The following MMUT variants were observed in gnomAD, a reference collection of about 807,000 sequenced individuals.
MMUT encodes methylmalonyl-CoA mutase, mitochondrial.
A neutral mutation model predicts 79.9 loss-of-function variants in MMUT; 79 were observed. The observed-to-expected ratio is 0.99, with a 90% CI of 0.82 to 1.19. MMUT has a LOEUF of 1.19. Among genes scored for constraint, MMUT ranks in the 50% most tolerant of loss-of-function variants. MMUT has a pLI of 0.00. For missense variants in MMUT, 860 were observed against 917.2 expected (o/e 0.94, Z 0.81); for synonymous variants, 273 against 295.7 (o/e 0.92, Z 0.79).
At position 49,440,266 on chromosome 6, in the gene MMUT, T is replaced by C. The variant is rs1465358046; in HGVS notation, c.1896A>G (p.Lys632=). 5 of 1,614,128 alleles carry C rather than the reference T, an allele frequency of 3.1e-6. No homozygotes were observed. In the Admixed American group the frequency reaches 8.3e-5, roughly 27 times the overall value. ...MGQDGHDRGA[K]VIATGFADLG... is the part of the protein sequence containing the mutation. ...GATCAGCAAATCCTGTAGCAATAACTTTTGCTCCTCTGTCATGGCCATCTT... is the reference window on the plus strand; with the variant it reads ...GATCAGCAAATCCTGTAGCAATAACCTTTGCTCCTCTGTCATGGCCATCTT... Residue 632 remains lysine, a synonymous_variant, in exon 11 of 13, where the codon AAA becomes AAG. Transcript: ENST00000274813.
At chr6:49,433,858 AATT>A (rs1767052772) in intron 12 of MMUT, among the ~76,000 whole-genome samples, 1 of 152,220 alleles carries the variant, frequency 6.6e-6, no homozygotes, top group South Asian at 2.1e-4. Context: ...TAACTGCTAT[AATT>A]ATATAATACC....
chr6:49,459,545 G>T, intron 1 of MMUT, 40 bp from the exon 2 acceptor site: 2 of 1,492,954 alleles, frequency 1.3e-6, no homozygotes, highest in Non-Finnish European at 1.8e-6. Flanking sequence ...TTAGAAGAGG[G>T]GGTGGGAAAT....
rs761072490 is a variant in MMUT, at chr6:49,430,819, G to A, written c.*909C>T. 5 of 152,114 alleles carry A rather than the reference G, an allele frequency of 3.3e-5. No homozygotes were observed. The highest frequency in any genetic ancestry group is 5.9e-5 in the Non-Finnish European group (4 of 68,010). 9.4% of individuals were successfully genotyped at this position (152,114 alleles called of 1,614,324 possible). ...GTGCAGATTTGTTAAACAGGTAAAT[G>A]GCAACTTTCCTTCTTTAGTGAGCAA... On this transcript the variant is annotated 3_prime_UTR_variant, in exon 13 of 13. Transcript: ENST00000274813.
At chr6:49,450,787 G>A (rs1767532411) in intron 6 of MMUT, among the ~76,000 whole-genome samples, 1 of 152,104 alleles carries the variant, frequency 6.6e-6, no homozygotes, top group Non-Finnish European at 1.5e-5. Context: ...AGATAGACAT[G>A]GGATTCAAGA....
intron 9 of MMUT, among the ~76,000 whole-genome samples, chr6:49,442,428 C>T (rs760271241): frequency 2.6e-5 from 4 of 151,936 alleles, no homozygotes; most frequent in South Asian, 2.1e-4. Flanking sequence ...TCTACTATAG[C>T]GATACAGTAA....
chr6:49,457,595 T>C, intron 3 of MMUT, 96 bp downstream of exon 3: 1 of 1,045,110 alleles, frequency 9.6e-7, no homozygotes. Flanking sequence ...AAATTTATAT[T>C]ACTCAGACTA....
In MMUT at chr6:49,431,835, C is replaced by T. The variant is rs763572961; in HGVS notation, c.2146G>A (p.Val716Ile). ...GGACCAAATACATTGGAAACACCAA[C>T]TTCAAACAGAAATTCATAATCCTGT... The part of the protein sequence containing the change: ...PPQDYEFLFE[V>I]GVSNVFGPGT... The change falls in exon 13 of 13, where the codon GTT becomes ATT. Residue 716 changes from valine (V) to isoleucine (I), a missense_variant. Val to Ile is a conservative substitution (Grantham distance 29). Transcript: ENST00000274813. 12 of 1,613,626 alleles carry T rather than the reference C, an allele frequency of 7.4e-6. No individual in the cohort carries two copies. Among genetic ancestry groups the T allele is most frequent in the Middle Eastern group, 1.6e-4 (1 of 6,080 alleles).
intron 8 of MMUT, among the ~76,000 whole-genome samples, chr6:49,445,849 T>C (rs1767398876): frequency 6.6e-6 from 1 of 151,972 alleles, no homozygotes. Flanking sequence ...CAACTCCAAA[T>C]TCTCCATAAA....
At chr6:49,445,163 G>A (rs1442469590) in intron 8 of MMUT, among the ~76,000 whole-genome samples, 2 of 151,978 alleles carry the variant, frequency 1.3e-5, no homozygotes, top group Non-Finnish European at 2.9e-5. Context: ...GAATATTTTA[G>A]TTATATTTTA....
chr6:49,456,286 G>C (rs747887600), intron 3 of MMUT, 49 bp from the exon 4 acceptor site: 6 of 1,318,128 alleles, frequency 4.6e-6, no homozygotes, highest in Non-Finnish European at 6.5e-6. Context: ...AATATTAAAA[G>C]GTCCTATTAA....
Position 49,459,098 on chromosome 6 carries a change from A to G in MMUT, c.369T>C (p.Tyr123=). The G allele has an allele frequency of 6.2e-7, 1 of 1,614,126 alleles. No homozygotes were observed. The highest frequency in any genetic ancestry group is 8.5e-7 in the Non-Finnish European group (1 of 1,179,994). ...AAATCTCACCCTTAATGTTGTCCTT[A>G]TAGAACTTATTGCTTTCTTCCACAG... The part of the protein sequence containing the change: ...FSTVEESNKF[Y]KDNIKAGQQG... The change falls in exon 2 of 13, where the codon TAT becomes TAC. Residue 123 remains tyrosine (Y), a synonymous_variant. Coordinates refer to ENST00000274813, the MANE Select transcript of MMUT (RefSeq NM_000255.4).
In MMUT at chr6:49,430,807, A is replaced by G. The variant is rs1766954027; in HGVS notation, c.*921T>C. On this transcript the variant is annotated 3_prime_UTR_variant, in exon 13 of 13. Coordinates refer to ENST00000274813, the MANE Select transcript of MMUT (RefSeq NM_000255.4). Reference sequence around the variant, plus strand: ...CATGTGCAGGATGTGCAGATTTGTTAAACAGGTAAATGGCAACTTTCCTTC... The same window carrying G: ...CATGTGCAGGATGTGCAGATTTGTTGAACAGGTAAATGGCAACTTTCCTTC... 1 of 152,204 alleles carries G rather than the reference A, an allele frequency of 6.6e-6. No individual in the cohort carries two copies. The highest frequency in any genetic ancestry group is 1.5e-5 in the Non-Finnish European group (1 of 68,034). 9.4% of individuals were successfully genotyped at this position (152,204 alleles called of 1,614,324 possible).
intron 11 of MMUT, among the ~76,000 whole-genome samples, chr6:49,438,224 A>T (rs545801875): frequency 6.6e-6 from 1 of 152,114 alleles, no homozygotes; most frequent in East Asian, 1.9e-4. Context: ...TTCTAGTCAA[A>T]TTTTTTTGTA....
intron 9 of MMUT, among the ~76,000 whole-genome samples, chr6:49,443,103 G>C (rs1767320251): frequency 6.6e-6 from 1 of 151,912 alleles, no homozygotes; most frequent in South Asian, 2.1e-4. Context: ...CCATATATTG[G>C]GAGAAAATTT....
At chr6:49,458,516 T>C (rs2127420202) in intron 2 of MMUT, among the ~76,000 whole-genome samples, 1 of 152,324 alleles carries the variant, frequency 6.6e-6, no homozygotes. Context: ...ATTATGACCA[T>C]CGTACAAAAT....
intron 1 of MMUT, among the ~76,000 whole-genome samples, chr6:49,459,713 T>C (rs1042497982): frequency 6.6e-6 from 1 of 152,180 alleles, no homozygotes; most frequent in African/African-American, 2.4e-5. Flanking sequence ...TTTTCCTCAG[T>C]AGCCTCTTAG....
In MMUT at chr6:49,453,574, T is replaced by C; in HGVS notation, c.1083+11A>G. 6.6e-7 allele frequency: 1 copy of C among 1,520,008 alleles called. No homozygotes were observed. Among genetic ancestry groups the C allele is most frequent in the South Asian group, 1.3e-5 (1 of 76,240 alleles). 94.2% of individuals were successfully genotyped at this position (1,520,008 alleles called of 1,614,324 possible). On this transcript the variant is annotated intron_variant, in intron 5 of 12. Coordinates refer to ENST00000274813, the MANE Select transcript of MMUT (RefSeq NM_000255.4). Reference sequence around the variant, plus strand: ...TTTATTAAAATTCTACATTTTAAATTATATACATACCTGCTCAGTAAGTGA... The same window carrying C: ...TTTATTAAAATTCTACATTTTAAATCATATACATACCTGCTCAGTAAGTGA...
intron 8 of MMUT, among the ~76,000 whole-genome samples, chr6:49,446,025 T>G (rs1767403489): frequency 1.3e-5 from 2 of 151,936 alleles, no homozygotes; most frequent in East Asian, 3.9e-4. Flanking sequence ...AAGGTGACAT[T>G]TGAGCAAAGA....
rs545235089 is a variant in MMUT, at chr6:49,456,480, A to G, written c.754-243T>C. On this transcript the variant is annotated intron_variant, in intron 3 of 12. Coordinates refer to ENST00000274813, the MANE Select transcript of MMUT (RefSeq NM_000255.4). ...TACTTTATTTTTCTGGTGGACAAGA[A>G]TTTATACTAACCATTCTGAAAGTTT... Among the ~76,000 whole-genome samples the G allele has an allele frequency of 5.9e-5, 9 of 152,296 alleles. No individual in the cohort carries two copies. In the East Asian group the frequency reaches 1.7e-3, roughly 29 times the overall value.
Sources: gnomAD v4.1 joint callset for allele counts (sites outside exome capture counted in the v4.1 genomes callset) on GRCh38, gnomAD v4.1.1 for gene constraint, MANE v1.5 for transcripts, NCBI Gene and HGNC (gene_info 2026-07-23, HGNC 2026-07-21) for gene names.